ADGRL2: variants seen among roughly 807,000 people sequenced by gnomAD.
ADGRL2 encodes the protein adhesion G protein-coupled receptor L2.
In ADGRL2, 44 loss-of-function variants were observed where a neutral mutation model predicts 157.4. That is an observed-to-expected ratio of 0.28 (90% CI 0.22 to 0.36). The LOEUF is 0.36. Ranked by LOEUF, ADGRL2 falls within the 10% of genes least tolerant of loss-of-function variation. The pLI, the probability that ADGRL2 is intolerant of heterozygous loss-of-function variation, is 1.00. For synonymous variants in ADGRL2, 585 were observed against 624.7 expected (o/e 0.94, Z 0.95); for missense variants, 1,510 against 1,768.9 (o/e 0.85, Z 2.63).
chr1:81,492,224 C>T (rs1420547614), intron 2 of ADGRL2, among the ~76,000 whole-genome samples: 4 of 151,956 alleles, frequency 2.6e-5, no homozygotes, highest in Admixed American at 2.0e-4. Flanking sequence ...GTAGAAAACG[C>T]TCATGACTTT....
chr1:81,386,013 A>T (rs919500712), intron 1 of ADGRL2, among the ~76,000 whole-genome samples: 2 of 151,038 alleles, frequency 1.3e-5, no homozygotes, highest in African/African-American at 2.4e-5. Context: ...GTGGCTAATT[A>T]AAAAAAAATG....
intron 2 of ADGRL2, among the ~76,000 whole-genome samples, chr1:81,504,520 T>C (rs1422448372): frequency 1.3e-5 from 2 of 152,136 alleles, no homozygotes; most frequent in Non-Finnish European, 2.9e-5. Flanking sequence ...TTTATTGTTG[T>C]ACACCAAAGA....
At chr1:81,804,223 C>G (rs1571311224) in intron 1 of ADGRL2, among the ~76,000 whole-genome samples, 1 of 152,128 alleles carries the variant, frequency 6.6e-6, no homozygotes, top group African/African-American at 2.4e-5. Context: ...GTTTTGTTGT[C>G]TCTCCCTCCA....
intron 1 of ADGRL2, among the ~76,000 whole-genome samples, chr1:81,389,142 T>C (rs548748971): frequency 3.0e-4 from 45 of 152,250 alleles, no homozygotes; most frequent in African/African-American, 1.0e-3. Context: ...AAGAAAACGT[T>C]TTTAATACAG....
rs924715029 is a variant in ADGRL2, at chr1:81,484,895, G to C, written c.-248+39806G>C. Among the ~76,000 whole-genome samples, 13 of 152,232 alleles carry C rather than the reference G, an allele frequency of 8.5e-5. 1 individual carries two copies. Among genetic ancestry groups the C allele is most frequent in the African/African-American group, 2.4e-4 (10 of 41,546 alleles). On this transcript the variant is annotated intron_variant, in intron 2 of 24. Coordinates refer to the ADGRL2 transcript ENST00000370721. ...GCATGAAGTTAGTATAAGCAAATGA[G>C]AGATTCTACCCATAAGGTGTTTACA...
At chr1:81,492,765 A>T (rs1042707194) in intron 2 of ADGRL2, among the ~76,000 whole-genome samples, 1 of 152,218 alleles carries the variant, frequency 6.6e-6, no homozygotes, top group Non-Finnish European at 1.5e-5. Context: ...CCATCCAGAT[A>T]CTATTCTGAT....
chr1:81,970,202 A>G, intron 15 of ADGRL2, 112 bp from the exon 16 acceptor site: 1 of 773,986 alleles, frequency 1.3e-6, no homozygotes, highest in Non-Finnish European at 2.2e-6. Context: ...TACTCTGAAT[A>G]ATGTATTTTT....
intron 16 of ADGRL2, 58 bp from the exon 17 acceptor site, chr1:81,971,794 T>G (rs1658832178): frequency 1.9e-5 from 17 of 886,214 alleles, no homozygotes; most frequent in Non-Finnish European, 3.0e-5. Context: ...CCTATTTTCC[T>G]TGTGATGTTG....
intron 3 of ADGRL2, among the ~76,000 whole-genome samples, chr1:81,682,186 G>A (rs2083134115): frequency 6.6e-6 from 1 of 151,514 alleles, no homozygotes; most frequent in African/African-American, 2.4e-5. Context: ...GAAGGAAGCT[G>A]TTGCTGGAAA....
chr1:81,697,247 C>T (rs995706955), upstream of ADGRL2, among the ~76,000 whole-genome samples: 1 of 152,090 alleles, frequency 6.6e-6, no homozygotes. Context: ...AACCATAATT[C>T]CCTAAACTGT....
chr1:81,763,245 T>C (rs1485109072), intron 2 of ADGRL2, among the ~76,000 whole-genome samples: 1 of 151,858 alleles, frequency 6.6e-6, no homozygotes, highest in Non-Finnish European at 1.5e-5. Flanking sequence ...TACGTACATA[T>C]AAAATTGGGA....
At chr1:81,887,540 A>G (rs1018850273) in intron 2 of ADGRL2, among the ~76,000 whole-genome samples, 3 of 152,188 alleles carry the variant, frequency 2.0e-5, no homozygotes, top group Non-Finnish European at 4.4e-5. Flanking sequence ...CATTGTTTTG[A>G]TATAACATGT....
At chr1:81,422,608 A>G (rs2077145879) in intron 1 of ADGRL2, among the ~76,000 whole-genome samples, 1 of 152,204 alleles carries the variant, frequency 6.6e-6, no homozygotes, top group Non-Finnish European at 1.5e-5. Flanking sequence ...ACAGAAAACT[A>G]TATGCACAAA....
At chr1:81,378,791 T>C (rs2076295927) in intron 1 of ADGRL2, among the ~76,000 whole-genome samples, 2 of 152,176 alleles carry the variant, frequency 1.3e-5, no homozygotes, top group Admixed American at 1.3e-4. Flanking sequence ...ATTTTAATGG[T>C]TGAGAGTAGT....
chr1:81,511,400 G>A (rs201206037), intron 2 of ADGRL2, among the ~76,000 whole-genome samples: 12 of 127,224 alleles, frequency 9.4e-5, no homozygotes, highest in Admixed American at 2.6e-4. Flanking sequence ...AAAAAAGCGC[G>A]CACACACACA....
At chr1:81,557,482 G>GAAAGAAGAAAGAAAGAAAGA (rs370696204) in intron 2 of ADGRL2, 129 of 120,038 alleles carry the variant, frequency 1.1e-3, no homozygotes, top group Middle Eastern at 3.8e-3. Context: ...AAGAAAGAAA[G>GAAAGAAGAAAGAAAGAAAGA]AAGAAAGAAA....
chr1:81,632,147 AACAG>A (rs1360983097), intron 3 of ADGRL2, among the ~76,000 whole-genome samples: 2 of 152,350 alleles, frequency 1.3e-5, no homozygotes, highest in Admixed American at 6.5e-5. Context: ...CATTAAACAA[AACAG>A]ACAAAGTAAA....
intron 3 of ADGRL2, among the ~76,000 whole-genome samples, chr1:81,627,190 A>C (rs1328300034): frequency 6.6e-6 from 1 of 152,180 alleles, no homozygotes; most frequent in African/African-American, 2.4e-5. Context: ...ATGCGTGTAT[A>C]AAGGCCCATG....
At chr1:81,342,530 G>T (rs1662146845) in intron 1 of ADGRL2, among the ~76,000 whole-genome samples, 1 of 152,100 alleles carries the variant, frequency 6.6e-6, no homozygotes, top group African/African-American at 2.4e-5. Context: ...GCTGGAAAAA[G>T]ATTCCATCTG....
Sources: gnomAD v4.1 joint callset for allele counts (sites outside exome capture counted in the v4.1 genomes callset) on GRCh38, gnomAD v4.1.1 for gene constraint, MANE v1.5 for transcripts, NCBI Gene and HGNC (gene_info 2026-07-23, HGNC 2026-07-21) for gene names.